The following GPC6 variants were observed in gnomAD, a reference collection of about 807,000 sequenced individuals.
The protein encoded by GPC6 is glypican-6.
A neutral mutation model predicts 55.2 loss-of-function variants in GPC6; 14 were observed. That is an observed-to-expected ratio of 0.25 (90% CI 0.17 to 0.40). The LOEUF (loss-of-function observed/expected upper bound fraction) is 0.40, where lower values mean the gene tolerates loss of function less well. Among genes scored for constraint, GPC6 ranks in the 10% least tolerant of loss-of-function variants. The pLI is 1.00. For synonymous variants in GPC6, 278 were observed against 259.6 expected, an observed-to-expected ratio of 1.07 and a Z score of -0.68; for missense variants, 641 against 708.5, an observed-to-expected ratio of 0.90 and a Z score of 1.08.
At chr13:93,381,387 C>CA (rs895200712) in intron 1 of GPC6, among the ~76,000 whole-genome samples, 2 of 151,318 alleles carry the variant, frequency 1.3e-5, no homozygotes, top group African/African-American at 4.8e-5. Flanking sequence ...TCTACACTTT[C>CA]AAAAAAAAGG....
At chr13:94,186,182 T>C (rs1316433569) in intron 4 of GPC6, among the ~76,000 whole-genome samples, 1 of 148,854 alleles carries the variant, frequency 6.7e-6, no homozygotes, top group Admixed American at 6.7e-5. Context: ...CAAATATAAA[T>C]AGAGAAACAC....
At chr13:93,805,045 T>G (rs2138943122) in intron 2 of GPC6, among the ~76,000 whole-genome samples, 1 of 152,296 alleles carries the variant, frequency 6.6e-6, no homozygotes, top group Non-Finnish European at 1.5e-5. Context: ...TTTAAAAATT[T>G]ATTCTTTCTT....
At chr13:93,359,412 G>C (rs1880968763) in intron 1 of GPC6, among the ~76,000 whole-genome samples, 1 of 151,972 alleles carries the variant, frequency 6.6e-6, no homozygotes, top group African/African-American at 2.4e-5. Context: ...CTGTAAAATG[G>C]GATAATCGTA....
rs761682555 is a variant in GPC6, at chr13:93,830,644, G to GT, written c.711+100dup. 40 of 991,820 alleles carry GT rather than the reference G, an allele frequency of 4.0e-5. No homozygotes were observed. The East Asian group carries it at 9.8e-4, about 24-fold the overall frequency. 61.4% of individuals were successfully genotyped at this position (991,820 alleles called of 1,614,324 possible). A position where few individuals can be genotyped will look rare whatever the true frequency, so the allele number is the denominator to read the frequency against. On this transcript the variant is annotated intron_variant, in intron 3 of 8. Coordinates refer to ENST00000377047, the MANE Select transcript of GPC6 (RefSeq NM_005708.5). ...AAAAAAAAAAAAAAAAAAAACCAAG[G>GT]TAAAAATTCTTAATTGGTGGTCCTT...
intron 1 of GPC6, among the ~76,000 whole-genome samples, chr13:93,418,465 TACTTTATTAATA>T (rs1216841727): frequency 2.0e-5 from 3 of 151,368 alleles, no homozygotes; most frequent in African/African-American, 7.3e-5. Context: ...ACTGTAGTAT[TACTTTATTAATA>T]GCAGTATGCT....
chr13:93,308,581 G>A (rs1878956106), intron 1 of GPC6, among the ~76,000 whole-genome samples: 1 of 152,078 alleles, frequency 6.6e-6, no homozygotes, highest in Non-Finnish European at 1.5e-5. Flanking sequence ...AGCTAGGATT[G>A]CTGGTGTGCA....
At chr13:93,411,221 C>G (rs963105781) in intron 1 of GPC6, among the ~76,000 whole-genome samples, 1 of 152,158 alleles carries the variant, frequency 6.6e-6, no homozygotes, top group African/African-American at 2.4e-5. Flanking sequence ...GTGTTGGAGT[C>G]TTCGTCAACA....
intron 4 of GPC6, among the ~76,000 whole-genome samples, chr13:94,269,997 G>T (rs747566012): frequency 2.8e-4 from 43 of 152,066 alleles, no homozygotes; most frequent in Admixed American, 2.5e-3. Context: ...GATTGCAAGG[G>T]GGAAACAAAT....
chr13:94,267,849 G>A lies in GPC6; in HGVS notation c.878-18500G>A, dbSNP rs561029654. ...CTTCCTTTCAGCTGTTGTGCAGTGT[G>A]GCATTTTCAAAATGAAGAGGCCTTC... is the stretch of plus-strand genomic sequence containing the variant. On this transcript the variant is annotated intron_variant, in intron 4 of 8. Coordinates refer to ENST00000377047, the MANE Select transcript of GPC6 (RefSeq NM_005708.5). Among the ~76,000 whole-genome samples the A allele has an allele frequency of 3.0e-4, 45 of 152,266 alleles. No homozygotes were observed. In the South Asian group the frequency reaches 9.3e-3, roughly 32 times the overall value.
intron 2 of GPC6, among the ~76,000 whole-genome samples, chr13:93,646,360 T>C (rs910282378): frequency 5.3e-5 from 8 of 152,134 alleles, no homozygotes; most frequent in Non-Finnish European, 1.2e-4. Context: ...ATTGGAAAAG[T>C]GAAAACTGTG....
chr13:94,181,544 C>T (rs1191074181), intron 4 of GPC6, among the ~76,000 whole-genome samples: 1 of 152,154 alleles, frequency 6.6e-6, no homozygotes, highest in Non-Finnish European at 1.5e-5. Context: ...AATCTATTGT[C>T]TATGGAAGAA....
At chr13:94,023,835 G>A (rs963215453) in intron 3 of GPC6, among the ~76,000 whole-genome samples, 1 of 151,876 alleles carries the variant, frequency 6.6e-6, no homozygotes, top group Non-Finnish European at 1.5e-5. Context: ...CAAGTTGGAT[G>A]GACCTTGAGG....
At chr13:93,911,789 A>G (rs1047257216) in intron 3 of GPC6, among the ~76,000 whole-genome samples, 3 of 152,226 alleles carry the variant, frequency 2.0e-5, no homozygotes, top group Non-Finnish European at 4.4e-5. Context: ...AGAAGTTTGT[A>G]AGTTAATGGA....
intron 6 of GPC6, among the ~76,000 whole-genome samples, chr13:94,357,316 G>A (rs543643865): frequency 6.6e-6 from 1 of 152,136 alleles, no homozygotes; most frequent in African/African-American, 2.4e-5. Flanking sequence ...ATCTGATTGG[G>A]AGCCCCAACA....
At chr13:93,799,093 T>G (rs1594467326) in intron 2 of GPC6, among the ~76,000 whole-genome samples, 1 of 152,148 alleles carries the variant, frequency 6.6e-6, no homozygotes, top group Non-Finnish European at 1.5e-5. Context: ...ATCTGTTTTT[T>G]CTCAGTGACG....
At chr13:93,617,883 G>A (rs1184901459) in intron 2 of GPC6, among the ~76,000 whole-genome samples, 1 of 151,934 alleles carries the variant, frequency 6.6e-6, no homozygotes, top group African/African-American at 2.4e-5. Flanking sequence ...AGTCAGGTGT[G>A]TTATTCCTTA....
chr13:94,257,630 C>T (rs910362377), intron 4 of GPC6, among the ~76,000 whole-genome samples: 1 of 152,204 alleles, frequency 6.6e-6, no homozygotes, highest in African/African-American at 2.4e-5. Flanking sequence ...TCTAGATCTG[C>T]AAATTGAGGA....
intron 1 of GPC6, among the ~76,000 whole-genome samples, chr13:93,375,483 C>A (rs953456664): frequency 4.6e-5 from 7 of 152,186 alleles, no homozygotes; most frequent in Admixed American, 3.3e-4. Flanking sequence ...CCTGGCACTT[C>A]CCTCCCCAAC....
chr13:93,251,378 A>G (rs916082694), intron 1 of GPC6, among the ~76,000 whole-genome samples: 1 of 152,220 alleles, frequency 6.6e-6, no homozygotes, highest in Non-Finnish European at 1.5e-5. Flanking sequence ...CCTATAAGGA[A>G]ATAAATGATT....
Sources: allele counts gnomAD v4.1 joint callset (sites outside exome capture counted in the v4.1 genomes callset), GRCh38; gene constraint gnomAD v4.1.1; transcripts MANE v1.5; gene names NCBI Gene and HGNC (gene_info 2026-07-23, HGNC 2026-07-21).